The following ZNF652 variants were observed in gnomAD, a reference collection of about 807,000 sequenced individuals.
ZNF652 encodes the protein zinc finger protein 652.
ZNF652 carries 16 observed loss-of-function variants against 45.2 expected under a neutral mutation model. The observed-to-expected ratio is 0.35, with a 90% confidence interval of 0.24 to 0.54. The LOEUF (loss-of-function observed/expected upper bound fraction) is 0.54. Ranked by LOEUF, ZNF652 falls within the 20% of genes least tolerant of loss-of-function variation. The pLI is 0.91. For missense variants in ZNF652, 614 were observed against 765.6 expected (o/e 0.80, Z 2.34); for synonymous variants, 250 against 260.6 (o/e 0.96, Z 0.39).
At chr17:49,355,617 T>C (rs2070327562) in intron 1 of ZNF652, among the ~76,000 whole-genome samples, 3 of 152,058 alleles carry the variant, frequency 2.0e-5, no homozygotes, top group South Asian at 2.1e-4. Flanking sequence ...TAATTAGTAG[T>C]GACCGGGCGC....
At chr17:49,350,985 A>G (rs879809329) in intron 1 of ZNF652, among the ~76,000 whole-genome samples, 5,054 of 27,130 alleles carry the variant, frequency 0.19, 247 homozygotes, top group Non-Finnish European at 0.24. Flanking sequence ...ATATATATAT[A>G]TATATATATA....
chr17:49,332,446 C>T (rs944927523), intron 1 of ZNF652, among the ~76,000 whole-genome samples: 2 of 152,136 alleles, frequency 1.3e-5, no homozygotes, highest in African/African-American at 4.8e-5. Flanking sequence ...CCTTTTCCTT[C>T]CCATAAGCCT....
intron 1 of ZNF652, among the ~76,000 whole-genome samples, chr17:49,324,967 C>T (rs2069941255): frequency 6.6e-6 from 1 of 151,990 alleles, no homozygotes; most frequent in Admixed American, 6.6e-5. Flanking sequence ...TCTCGAACTC[C>T]TGACCTCAGG....
Position 49,303,522 on chromosome 17 carries a change from G to T in ZNF652, c.1310-4598C>A, listed in dbSNP as rs557022147. On this transcript the variant is annotated intron_variant, in intron 5 of 5. Coordinates refer to ENST00000430262, the MANE Select transcript of ZNF652 (RefSeq NM_001145365.3). ...CCCAAAGTGCTGAGATTACAGGTGTGAGCCACTGCGCCTGGCCATGTAGTT... is the reference window on the plus strand; with the variant it reads ...CCCAAAGTGCTGAGATTACAGGTGTTAGCCACTGCGCCTGGCCATGTAGTT... Among the ~76,000 whole-genome samples the T allele has an allele frequency of 2.0e-5, 3 of 152,146 alleles. No homozygotes were observed. In the East Asian group the frequency reaches 5.8e-4, roughly 29 times the overall value.
intron 5 of ZNF652, among the ~76,000 whole-genome samples, chr17:49,304,700 G>A (rs2069603068): frequency 6.6e-6 from 1 of 152,102 alleles, no homozygotes; most frequent in Non-Finnish European, 1.5e-5. Context: ...GTACAGCAAT[G>A]TAATGAGTCT....
chr17:49,295,964 A>C lies in ZNF652; in HGVS notation c.*2449T>G, dbSNP rs1428879248. On this transcript the variant is annotated 3_prime_UTR_variant, in exon 6 of 6. Transcript: ENST00000430262. ...AAAAAAAAAAAAAAAAAAAAAAAAA[A>C]ACAGAACAAAATATAACCAATTAAC... 5 of 139,206 alleles carry C rather than the reference A, an allele frequency of 3.6e-5. No homozygotes were observed. Among genetic ancestry groups the C allele is most frequent in the Admixed American group, 2.3e-4 (3 of 13,218 alleles). 8.6% of individuals were successfully genotyped at this position (139,206 alleles called of 1,614,324 possible).
chr17:49,304,055 A>ATTT (rs58790188), intron 5 of ZNF652, among the ~76,000 whole-genome samples: 6,489 of 117,302 alleles, frequency 0.055, 594 homozygotes, highest in African/African-American at 0.19. Context: ...TGCCTGGCTA[A>ATTT]TTTTTTTTTT....
rs1598295775 is a variant in ZNF652, at chr17:49,317,051, C to T, written c.675G>A (p.Arg225=). 3 of 1,613,990 alleles carry T rather than the reference C, an allele frequency of 1.9e-6. No individual in the cohort carries two copies. The African/African-American group carries it at 4.0e-5, about 22-fold the overall frequency. The change falls in exon 2 of 6, where the codon CGG becomes CGA. Residue 225 remains arginine, a synonymous_variant. Transcript: ENST00000430262. The stretch of plus-strand genomic sequence containing the variant: ...CTGGTGCTTTGGGCTCCTTTGTGGC[C>T]CGCTTCTTACGCTTAGGTGGCTCTA... ...KSVEPPKRKK[R]ATKEPKAPVQ... is the part of the protein sequence containing the mutation.
intron 2 of ZNF652, among the ~76,000 whole-genome samples, chr17:49,313,720 C>G (rs2069751255): frequency 6.6e-6 from 1 of 151,368 alleles, no homozygotes; most frequent in Admixed American, 6.6e-5. Flanking sequence ...CGCCTATAAT[C>G]CCAGCATTTC....
chr17:49,357,317 A>T (rs1767159876), intron 1 of ZNF652, among the ~76,000 whole-genome samples: 1 of 151,624 alleles, frequency 6.6e-6, no homozygotes, highest in African/African-American at 2.4e-5. Context: ...AAAAAAGATA[A>T]TGTCATCTTT....
At chr17:49,339,981 C>T (rs951114106) in intron 1 of ZNF652, among the ~76,000 whole-genome samples, 15 of 152,166 alleles carry the variant, frequency 9.9e-5, no homozygotes, top group African/African-American at 3.4e-4. Context: ...ATCCACCTGC[C>T]TCTGTTTCTC....
chr17:49,350,259 G>C (rs2070256226), intron 1 of ZNF652, among the ~76,000 whole-genome samples: 1 of 151,948 alleles, frequency 6.6e-6, no homozygotes, highest in Non-Finnish European at 1.5e-5. Context: ...AAAAGTGTAA[G>C]CTGGGCAGGT....
In ZNF652 at chr17:49,317,864, C is replaced by T; in HGVS notation, c.-139G>A. ...AAAAGATATTCCTGGAAACTGTGTG[C>T]AATTCTTCCAGTGTTGCAGCACCAA... is the stretch of plus-strand genomic sequence containing the variant. On this transcript the variant is annotated 5_prime_UTR_variant, in exon 2 of 6. Coordinates refer to ENST00000430262, the MANE Select transcript of ZNF652 (RefSeq NM_001145365.3). 1.0e-6 allele frequency: 1 copy of T among 975,236 alleles called. No homozygotes were observed. The highest frequency in any genetic ancestry group is 1.4e-6 in the Non-Finnish European group (1 of 694,698). 60.4% of individuals were successfully genotyped at this position (975,236 alleles called of 1,614,324 possible). A position where few individuals can be genotyped will look rare whatever the true frequency, so the allele number is the denominator to read the frequency against.
chr17:49,334,679 T>C (rs748599495), intron 1 of ZNF652, among the ~76,000 whole-genome samples: 26 of 151,530 alleles, frequency 1.7e-4, no homozygotes, highest in Non-Finnish European at 3.2e-4. Flanking sequence ...CTTGAGAGGC[T>C]GAAGCAGGAG....
At chr17:49,300,885 T>C (rs1444372811) in intron 5 of ZNF652, among the ~76,000 whole-genome samples, 1 of 152,236 alleles carries the variant, frequency 6.6e-6, no homozygotes, top group Non-Finnish European at 1.5e-5. Context: ...TTACTCATAA[T>C]GGAATTAATA....
intron 1 of ZNF652, among the ~76,000 whole-genome samples, chr17:49,321,638 A>G (rs1700562816): frequency 6.6e-6 from 1 of 152,046 alleles, no homozygotes; most frequent in South Asian, 2.1e-4. Context: ...TGGCTTATCC[A>G]AGCTGCTACG....
chr17:49,341,589 G>C (rs570254501), intron 1 of ZNF652, among the ~76,000 whole-genome samples: 1 of 151,884 alleles, frequency 6.6e-6, no homozygotes, highest in East Asian at 1.9e-4. Context: ...GCTTGAGCCA[G>C]GGAGGTCAAG....
At chr17:49,347,237 C>T (rs2070214016) in intron 1 of ZNF652, among the ~76,000 whole-genome samples, 1 of 152,156 alleles carries the variant, frequency 6.6e-6, no homozygotes, top group African/African-American at 2.4e-5. Context: ...ATAAGTATTC[C>T]AGCTAATAAC....
rs199547687 is a variant in ZNF652 at position 49,298,408 on chromosome 17, G to C, written c.*5C>G. 3.1e-6 allele frequency: 5 copies of C among 1,612,364 alleles called. No individual in the cohort carries two copies. The Admixed American group carries it at 6.7e-5, about 21-fold the overall frequency. ...CTCCTGGAGAACACACTAAGGAGAC[G>C]GATGTTAATGATGCTGTGCTGAACT... On this transcript the variant is annotated 3_prime_UTR_variant, in exon 6 of 6. Coordinates refer to ENST00000430262, the MANE Select transcript of ZNF652 (RefSeq NM_001145365.3).
Sources: allele counts gnomAD v4.1 joint callset (sites outside exome capture counted in the v4.1 genomes callset), GRCh38; gene constraint gnomAD v4.1.1; transcripts MANE v1.5; gene names NCBI Gene and HGNC (gene_info 2026-07-23, HGNC 2026-07-21).